The following SHLD1 variants were observed in gnomAD, a reference collection of about 807,000 sequenced individuals.
SHLD1 encodes RINN1-REV7-interacting novel NHEJ regulator 3.
A neutral mutation model predicts 5.5 loss-of-function variants in SHLD1; 3 were observed. The ratio of observed to expected loss-of-function variants is 0.54; its 90% CI spans 0.25 to 1.40. The LOEUF (loss-of-function observed/expected upper bound fraction) is 1.40. Ranked by LOEUF, SHLD1 falls within the 40% of genes most tolerant of loss-of-function variation. The pLI is 0.15. For synonymous variants in SHLD1, 92 were observed against 94.3 expected, an observed-to-expected ratio of 0.98 and a Z score of 0.14; for missense variants, 210 against 244.4, an observed-to-expected ratio of 0.86 and a Z score of 0.94.
At chr20:5,778,713 G>A (rs1985555261) in intron 2 of SHLD1, among the ~76,000 whole-genome samples, 1 of 151,966 alleles carries the variant, frequency 6.6e-6, no homozygotes, top group African/African-American at 2.4e-5. Flanking sequence ...AGAATCAAAT[G>A]GAAGCCCAGC....
intron 2 of SHLD1, among the ~76,000 whole-genome samples, chr20:5,779,983 T>TG (rs1245883344): frequency 2.1e-5 from 3 of 142,834 alleles, no homozygotes; most frequent in Non-Finnish European, 4.6e-5. Flanking sequence ...TTTTTTTTTT[T>TG]TTTTTTTTTT....
chr20:5,779,069 G>C (rs1018114728), intron 2 of SHLD1, among the ~76,000 whole-genome samples: 1 of 152,052 alleles, frequency 6.6e-6, no homozygotes, highest in Admixed American at 6.6e-5. Context: ...CAGGCATGGT[G>C]GTGGGCACCT....
chr20:5,814,654 C>CTTTTTTTTTT (rs148119460), intron 2 of SHLD1, among the ~76,000 whole-genome samples: 11 of 103,812 alleles, frequency 1.1e-4, no homozygotes, highest in South Asian at 3.3e-4. Context: ...TTTTCTTCTT[C>CTTTTTTTTTT]TTTTTTTTTT....
chr20:5,784,612 G>A lies in SHLD1; in HGVS notation c.178+11569G>A, dbSNP rs982819611. Among the ~76,000 whole-genome samples, 10 of 151,938 alleles carry A rather than the reference G, an allele frequency of 6.6e-5. No homozygotes were observed. The South Asian group carries it at 1.5e-3, about 22-fold the overall frequency. On this transcript the variant is annotated intron_variant, in intron 2 of 2. Transcript: ENST00000303142. ...ACTACAGGCGCCCGCCACCACGCCC[G>A]GCTAATTTTTTATATTTTTAGTAGA... is the stretch of plus-strand genomic sequence containing the variant.
At chr20:5,829,168 G>A (rs1448737181) in intron 2 of SHLD1, among the ~76,000 whole-genome samples, 1 of 152,110 alleles carries the variant, frequency 6.6e-6, no homozygotes, top group Non-Finnish European at 1.5e-5. Flanking sequence ...GAGCCATCAT[G>A]CCCAGCCAGA....
chr20:5,851,130 G>T (rs2088003479), intron 2 of SHLD1, among the ~76,000 whole-genome samples: 1 of 152,198 alleles, frequency 6.6e-6, no homozygotes, highest in Non-Finnish European at 1.5e-5. Flanking sequence ...TGATCTCTGG[G>T]AGCTTCAACA....
At chr20:5,825,517 T>A (rs1195023857) in intron 2 of SHLD1, among the ~76,000 whole-genome samples, 2 of 152,266 alleles carry the variant, frequency 1.3e-5, no homozygotes, top group Admixed American at 1.3e-4. Context: ...TGGAAGTTTC[T>A]GACATTAATA....
chr20:5,775,214 T>TA (rs1181018696), intron 2 of SHLD1, among the ~76,000 whole-genome samples: 10 of 151,634 alleles, frequency 6.6e-5, no homozygotes, highest in Non-Finnish European at 5.9e-5. Flanking sequence ...TTTTTTTTTT[T>TA]AATTTTTTTG....
chr20:5,835,328 C>A (rs1361380385), intron 2 of SHLD1, among the ~76,000 whole-genome samples: 1 of 152,206 alleles, frequency 6.6e-6, no homozygotes, highest in Non-Finnish European at 1.5e-5. Flanking sequence ...CATTCTCATT[C>A]ACTAAAAAAT....
intron 2 of SHLD1, among the ~76,000 whole-genome samples, chr20:5,791,324 G>C (rs2087136131): frequency 6.6e-6 from 1 of 152,076 alleles, no homozygotes; most frequent in African/African-American, 2.4e-5. Flanking sequence ...TAGCACTCTG[G>C]GAGGCTGAGG....
chr20:5,863,656 T>G lies in SHLD1; in HGVS notation c.*193T>G. ...CAGCCCATATGGAGAGCCAGCAGGG[T>G]CTGGGAGTTCTCCGTCCTCTTGGCC... On this transcript the variant is annotated 3_prime_UTR_variant, in exon 3 of 3. Coordinates refer to ENST00000303142, the MANE Select transcript of SHLD1 (RefSeq NM_152504.4). The G allele has an allele frequency of 1.8e-6, 1 of 562,598 alleles. No individual in the cohort carries two copies. The highest frequency in any genetic ancestry group is 3.0e-6 in the Non-Finnish European group (1 of 330,508). 34.9% of individuals were successfully genotyped at this position (562,598 alleles called of 1,614,324 possible).
At chr20:5,841,443 C>A (rs1438486674) in intron 2 of SHLD1, among the ~76,000 whole-genome samples, 2 of 151,850 alleles carry the variant, frequency 1.3e-5, no homozygotes, top group African/African-American at 4.8e-5. Context: ...TGAGGTTTTG[C>A]CACTTAGAGG....
chr20:5,788,063 GTTGT>G (rs1257685243), intron 2 of SHLD1, among the ~76,000 whole-genome samples: 2 of 152,176 alleles, frequency 1.3e-5, no homozygotes, highest in Non-Finnish European at 2.9e-5. Context: ...TCCTAGTGGA[GTTGT>G]TTCTTTTTTA....
At chr20:5,849,936 G>A (rs1777343) in intron 2 of SHLD1, among the ~76,000 whole-genome samples, 35,035 of 140,312 alleles carry the variant, frequency 0.25, 4,780 homozygotes, top group African/African-American at 0.34. Context: ...TCCGCAGTCC[G>A]GCCTGGGCGA....
intron 2 of SHLD1, among the ~76,000 whole-genome samples, chr20:5,841,484 G>A (rs1157089872): frequency 2.0e-5 from 3 of 152,186 alleles, no homozygotes; most frequent in African/African-American, 7.2e-5. Flanking sequence ...AGAATGACCA[G>A]TATAATTAGG....
At chr20:5,754,110 T>C (rs926866293) in intron 1 of SHLD1, among the ~76,000 whole-genome samples, 3 of 152,130 alleles carry the variant, frequency 2.0e-5, no homozygotes, top group African/African-American at 7.2e-5. Flanking sequence ...GTCAGTCATA[T>C]GATCTATTTT....
At chr20:5,775,332 C>T (rs573611271) in intron 2 of SHLD1, among the ~76,000 whole-genome samples, 5 of 152,136 alleles carry the variant, frequency 3.3e-5, no homozygotes, top group Non-Finnish European at 7.3e-5. Flanking sequence ...AGTGAGCAAC[C>T]ATATCCAGTT....
At chr20:5,828,720 AT>A (rs1378336158) in intron 2 of SHLD1, among the ~76,000 whole-genome samples, 1 of 152,166 alleles carries the variant, frequency 6.6e-6, no homozygotes, top group Non-Finnish European at 1.5e-5. Flanking sequence ...AGTAAAATAT[AT>A]TTGATTGTAG....
chr20:5,775,523 G>C (rs890382526), intron 2 of SHLD1, among the ~76,000 whole-genome samples: 2 of 152,172 alleles, frequency 1.3e-5, no homozygotes, highest in African/African-American at 4.8e-5. Context: ...GGAGCATGTT[G>C]AAATATTTAT....
Sources: allele counts gnomAD v4.1 joint callset (sites outside exome capture counted in the v4.1 genomes callset), GRCh38; gene constraint gnomAD v4.1.1; transcripts MANE v1.5; gene names NCBI Gene and HGNC (gene_info 2026-07-23, HGNC 2026-07-21).